Variants in MIER1 observed in about 807,000 individuals in gnomAD.
MIER1 encodes the protein mesoderm induction early response protein 1.
In MIER1, 40 loss-of-function variants were observed where a neutral mutation model predicts 75.7. The ratio of observed to expected loss-of-function variants is 0.53; its 90% CI spans 0.41 to 0.69. MIER1 has a LOEUF of 0.69. MIER1 is among the 30% of genes least tolerant of loss of function. The pLI, the probability that MIER1 is intolerant of heterozygous loss-of-function variation, is 0.00. For synonymous variants in MIER1, 213 were observed against 223.4 expected (o/e 0.95, Z 0.42); for missense variants, 574 against 680.2 (o/e 0.84, Z 1.74).
chr1:66,973,092 ATAAT>A (rs952647865), intron 11 of MIER1, 101 bp downstream of exon 11: 91 of 630,288 alleles, frequency 1.4e-4, no homozygotes, highest in Non-Finnish European at 1.9e-4. Flanking sequence ...TAAAGGTTTC[ATAAT>A]TAATATGACA....
rs998026020 is a variant in MIER1 at position 66,951,313 on chromosome 1, G to T, written c.339+5018G>T. On this transcript the variant is annotated intron_variant, in intron 4 of 13. Transcript: ENST00000401041. ...CCGGCTAATTTTTTATTTTTTTGTA[G>T]AGATGGGGTCTTGCTCTGTTGCCCA... 2.0e-5 allele frequency among the ~76,000 whole-genome samples: 3 copies of T among 152,064 alleles called. No homozygotes were observed. In the East Asian group the frequency reaches 5.8e-4, roughly 29 times the overall value.
rs187531011 is a variant in MIER1, at chr1:66,983,209, A to G, written c.1369+1291A>G. 9.9e-5 allele frequency among the ~76,000 whole-genome samples: 15 copies of G among 152,276 alleles called. No individual in the cohort carries two copies. In the East Asian group the frequency reaches 2.7e-3, roughly 27 times the overall value. ...TCCCAATGTTATATTACTTTTTTAT[A>G]TGGGGCTTTAATTAGTACTTTGAAA... On this transcript the variant is annotated intron_variant, in intron 13 of 13. Transcript: ENST00000401041.
chr1:66,926,304 A>C, intron 2 of MIER1, 62 bp downstream of exon 2: 10 of 1,255,052 alleles, frequency 8.0e-6, no homozygotes, highest in South Asian at 1.2e-5. Flanking sequence ...AAGTAATATA[A>C]GATTATATTA....
In MIER1 at chr1:66,951,428, C is replaced by T. The variant is rs571408579; in HGVS notation, c.339+5133C>T. ...ATAGGCGTGAGCCACTGAGTCTGGT[C>T]GGTTTATGTTTTTAAAAAGTCCATT... is the stretch of plus-strand genomic sequence containing the variant. On this transcript the variant is annotated intron_variant, in intron 4 of 13. Coordinates refer to ENST00000401041, the MANE Select transcript of MIER1 (RefSeq NM_001077700.3). 2.2e-4 allele frequency among the ~76,000 whole-genome samples: 33 copies of T among 152,214 alleles called. No homozygotes were observed. The East Asian group carries it at 5.4e-3, about 25-fold the overall frequency.
intron 8 of MIER1, among the ~76,000 whole-genome samples, chr1:66,964,664 C>G (rs1242400153): frequency 2.0e-5 from 3 of 150,014 alleles, no homozygotes; most frequent in Non-Finnish European, 3.0e-5. Flanking sequence ...GTCGGTCAGG[C>G]TGGTCTTGAA....
rs1666639238 is a variant in MIER1, at chr1:66,985,316, G to T, written c.*416G>T. 1.0e-6 allele frequency: 1 copy of T among 985,450 alleles called. No homozygotes were observed. The highest frequency in any genetic ancestry group is 1.2e-6 in the Non-Finnish European group (1 of 829,906). The allele number at this position is 985,450 out of a possible 1,614,324, so 61.0% of individuals were successfully genotyped here. A position where few individuals can be genotyped will look rare whatever the true frequency, so the allele number is the denominator to read the frequency against. On this transcript the variant is annotated 3_prime_UTR_variant, in exon 14 of 14. Coordinates refer to ENST00000401041, the MANE Select transcript of MIER1 (RefSeq NM_001077700.3). ...ATGGGAAACTCAAGTCCAAATTTCT[G>T]CTTAATACCAATTTCTCTGAGTTTC...
rs1472424066 is a variant in MIER1, at chr1:66,985,796, T to G, written c.*896T>G. 1.1e-6 allele frequency: 1 copy of G among 890,552 alleles called. No individual in the cohort carries two copies. Among genetic ancestry groups the G allele is most frequent in the Non-Finnish European group, 1.3e-6 (1 of 745,728 alleles). The allele number at this position is 890,552 out of a possible 1,614,324, so 55.2% of individuals were successfully genotyped here. A position where few individuals can be genotyped will look rare whatever the true frequency, so the allele number is the denominator to read the frequency against. ...ATTTCTTATCCAGGTGGTTAAAGCA[T>G]TCATAAAGGATTATAAAATTTTTTT... On this transcript the variant is annotated 3_prime_UTR_variant, in exon 14 of 14. Coordinates refer to ENST00000401041, the MANE Select transcript of MIER1 (RefSeq NM_001077700.3).
In MIER1 at chr1:66,926,253, G is replaced by T. The variant is rs918991395; in HGVS notation, c.168+11G>T. The T allele has an allele frequency of 6.9e-6, 11 of 1,596,374 alleles. No individual in the cohort carries two copies. The highest frequency in any genetic ancestry group is 1.3e-5 in the African/African-American group (1 of 74,548). On this transcript the variant is annotated intron_variant, in intron 2 of 13. Transcript: ENST00000401041. ...ACGGATGTGATGCTGGTAGGCAGGGGTACACTTGGAGATTAAGGGAGGGAA... is the reference window on the plus strand; with the variant it reads ...ACGGATGTGATGCTGGTAGGCAGGGTTACACTTGGAGATTAAGGGAGGGAA...
At chr1:66,931,277 C>T (rs1653295840) in intron 2 of MIER1, among the ~76,000 whole-genome samples, 1 of 152,136 alleles carries the variant, frequency 6.6e-6, no homozygotes, top group Admixed American at 6.5e-5. Flanking sequence ...GCTACTGGAA[C>T]TTTAAATAAC....
intron 2 of MIER1, among the ~76,000 whole-genome samples, chr1:66,931,259 A>G (rs1653289319): frequency 6.6e-6 from 1 of 152,212 alleles, no homozygotes. Flanking sequence ...AATCGGAACT[A>G]AGTATACGCT....
intron 11 of MIER1, among the ~76,000 whole-genome samples, chr1:66,975,584 C>T (rs1664548635): frequency 1.3e-5 from 2 of 151,868 alleles, no homozygotes; most frequent in African/African-American, 2.4e-5. Flanking sequence ...ATACATCAGC[C>T]CTAAATCCTC....
Position 66,984,962 on chromosome 1 carries a change from G to T in MIER1, c.*62G>T. ...TGGTGTGACTAAAATTTTCAGGGTTGATGGGTTACCTTAAAAAGTTGATTT... is the reference window on the plus strand; with the variant it reads ...TGGTGTGACTAAAATTTTCAGGGTTTATGGGTTACCTTAAAAAGTTGATTT... On this transcript the variant is annotated 3_prime_UTR_variant, in exon 14 of 14. Transcript: ENST00000401041. The T allele has an allele frequency of 6.7e-7, 1 of 1,497,202 alleles. No homozygotes were observed. Among genetic ancestry groups the T allele is most frequent in the Non-Finnish European group, 8.9e-7 (1 of 1,127,050 alleles). 92.7% of individuals were successfully genotyped at this position (1,497,202 alleles called of 1,614,324 possible).
chr1:66,968,509 A>T lies in MIER1; in HGVS notation c.773-2299A>T, dbSNP rs551380600. On this transcript the variant is annotated intron_variant, in intron 8 of 13. Coordinates refer to ENST00000401041, the MANE Select transcript of MIER1 (RefSeq NM_001077700.3). ...AGGGATTACTTAATGGATGGATCAG[A>T]ATTCTCCTTTTCATTGATACGTGGA... Among the ~76,000 whole-genome samples the T allele has an allele frequency of 2.6e-5, 4 of 152,136 alleles. No individual in the cohort carries two copies. In the South Asian group the frequency reaches 6.2e-4, roughly 24 times the overall value.
At chr1:66,929,094 T>G in intron 2 of MIER1, 1 of 679,444 alleles carries the variant, frequency 1.5e-6, no homozygotes, top group South Asian at 1.7e-5. Context: ...CTTGATAGAG[T>G]CTAGAATTTT....
chr1:66,945,316 T>TATATAA (rs1657339822), intron 3 of MIER1, among the ~76,000 whole-genome samples: 1 of 106,764 alleles, frequency 9.4e-6, no homozygotes, highest in Non-Finnish European at 2.0e-5. Flanking sequence ...TATATATATA[T>TATATAA]AAAATACCTA....
chr1:66,951,734 C>T (rs988311870), intron 4 of MIER1, among the ~76,000 whole-genome samples: 3 of 152,140 alleles, frequency 2.0e-5, no homozygotes, highest in Non-Finnish European at 4.4e-5. Flanking sequence ...TGCATGCCAC[C>T]GTGCCTGGCT....
Position 66,986,362 on chromosome 1 carries a change from AC to A in MIER1, c.*1463del. The A allele has an allele frequency of 6.3e-7, 1 of 1,595,518 alleles. No individual in the cohort carries two copies. Among genetic ancestry groups the A allele is most frequent in the Non-Finnish European group, 8.5e-7 (1 of 1,172,896 alleles). On this transcript the variant is annotated 3_prime_UTR_variant, in exon 14 of 14. Transcript: ENST00000401041. ...AGCTGATAGACCAACCTATATCCAA[AC>A]TTTTATAAAATATTAATTATTCTTG...
At chr1:66,925,415 T>C (rs1006768299) in intron 1 of MIER1, 1 of 985,354 alleles carries the variant, frequency 1.0e-6, no homozygotes, top group African/African-American at 1.7e-5. Flanking sequence ...CTTCGGTCCC[T>C]GATCCCAGTC....
intron 4 of MIER1, among the ~76,000 whole-genome samples, chr1:66,953,304 T>A (rs1659388288): frequency 6.6e-6 from 1 of 152,162 alleles, no homozygotes; most frequent in African/African-American, 2.4e-5. Context: ...GCTAAATCTT[T>A]ACTTCAGTTA....
Sources: gnomAD v4.1 joint callset for allele counts (sites outside exome capture counted in the v4.1 genomes callset) on GRCh38, gnomAD v4.1.1 for gene constraint, MANE v1.5 for transcripts, NCBI Gene and HGNC (gene_info 2026-07-23, HGNC 2026-07-21) for gene names.